Variants in NUTF2 observed in about 807,000 individuals in gnomAD.
The protein encoded by NUTF2 is placental protein 15.
NUTF2 carries 3 observed loss-of-function variants against 18.5 expected under a neutral mutation model. That is an observed-to-expected ratio of 0.16 (90% CI 0.07 to 0.42). The LOEUF is 0.42. NUTF2 is among the 10% of genes least tolerant of loss of function. The pLI, the probability that NUTF2 is intolerant of heterozygous loss-of-function variation, is 0.99. For synonymous variants in NUTF2, 51 were observed against 57.9 expected, an observed-to-expected ratio of 0.88 and a Z score of 0.54; for missense variants, 44 against 160.7, an observed-to-expected ratio of 0.27 and a Z score of 3.93.
chr16:67,865,211 C>G lies in NUTF2; in HGVS notation c.81C>G (p.Thr27=), dbSNP rs899799876. The change falls in exon 2 of 5, where the codon ACC becomes ACG. Residue 27 remains threonine, a synonymous_variant. Coordinates refer to ENST00000219169, the MANE Select transcript of NUTF2 (RefSeq NM_005796.3). ...HYYQLFDNDR[T]QLGAIYIDAS... ...ACCAGTTATTTGATAATGATAGAAC[C>G]CAACTAGGCGCAATTTACGTAAGTT... 6.2e-7 allele frequency: 1 copy of G among 1,612,252 alleles called. No homozygotes were observed. The highest frequency in any genetic ancestry group is 8.5e-7 in the Non-Finnish European group (1 of 1,178,508).
At chr16:67,864,214 C>T (rs576861552) in intron 1 of NUTF2, among the ~76,000 whole-genome samples, 1 of 152,092 alleles carries the variant, frequency 6.6e-6, no homozygotes, top group Non-Finnish European at 1.5e-5. Context: ...CTGTTTTTGG[C>T]AGAGGAGGGC....
intron 2 of NUTF2, among the ~76,000 whole-genome samples, chr16:67,865,826 C>G (rs1301734974): frequency 1.3e-5 from 2 of 150,364 alleles, no homozygotes; most frequent in Non-Finnish European, 2.9e-5. Context: ...TCAAGTGATT[C>G]TCCTGCCTCA....
chr16:67,867,593 C>T (rs544291160), intron 2 of NUTF2, among the ~76,000 whole-genome samples: 2 of 152,168 alleles, frequency 1.3e-5, no homozygotes, highest in East Asian at 3.9e-4. Flanking sequence ...CTCTCCCTGA[C>T]CCCATGGGTA....
intron 1 of NUTF2, among the ~76,000 whole-genome samples, chr16:67,848,249 A>G (rs904139889): frequency 6.6e-6 from 1 of 152,188 alleles, no homozygotes; most frequent in Non-Finnish European, 1.5e-5. Context: ...TGGCATGTAA[A>G]GCGTTGATTT....
chr16:67,861,387 GT>G (rs1357971490), intron 1 of NUTF2, among the ~76,000 whole-genome samples: 2 of 152,344 alleles, frequency 1.3e-5, no homozygotes, highest in East Asian at 3.9e-4. Context: ...TAAAAATGGA[GT>G]TTTTCTGTTG....
intron 1 of NUTF2, among the ~76,000 whole-genome samples, chr16:67,857,884 G>T (rs2151296884): frequency 6.6e-6 from 1 of 152,352 alleles, no homozygotes; most frequent in South Asian, 2.1e-4. Context: ...GGGTGGAGGG[G>T]AAGTGGGTCA....
intron 1 of NUTF2, among the ~76,000 whole-genome samples, chr16:67,852,046 C>T (rs1417163407): frequency 6.6e-6 from 1 of 151,850 alleles, no homozygotes. Flanking sequence ...CTAGAAGCCA[C>T]CTTATATCAA....
At chr16:67,855,931 CG>C in intron 1 of NUTF2, 1 of 687,316 alleles carries the variant, frequency 1.5e-6, no homozygotes. Context: ...TATTTCATTG[CG>C]GGGAGTGGGC....
chr16:67,855,674 A>G (rs2057890808), intron 1 of NUTF2, among the ~76,000 whole-genome samples: 1 of 152,160 alleles, frequency 6.6e-6, no homozygotes, highest in Non-Finnish European at 1.5e-5. Flanking sequence ...TTGCTGCCCC[A>G]GGAAAGAGCT....
chr16:67,863,062 C>T (rs966854030), intron 1 of NUTF2, among the ~76,000 whole-genome samples: 2 of 152,156 alleles, frequency 1.3e-5, no homozygotes, highest in African/African-American at 2.4e-5. Flanking sequence ...GTGGACGGGG[C>T]AGAAATGCCA....
At position 67,872,524 on chromosome 16, in the gene NUTF2, T is replaced by G. The variant is rs1331997263; in HGVS notation, c.*1611T>G. 6.6e-6 allele frequency: 1 copy of G among 152,258 alleles called. No individual in the cohort carries two copies. Among genetic ancestry groups the G allele is most frequent in the Non-Finnish European group, 1.5e-5 (1 of 68,068 alleles). 9.4% of individuals were successfully genotyped at this position (152,258 alleles called of 1,614,324 possible). ...AAAATCTGCAATACGGCTTCTTCCA[T>G]GTACCTGTGCCTGAACTGTCTGCAA... is the stretch of plus-strand genomic sequence containing the variant. On this transcript the variant is annotated 3_prime_UTR_variant, in exon 5 of 5. Transcript: ENST00000219169.
chr16:67,867,224 G>C (rs2057979372), intron 2 of NUTF2, among the ~76,000 whole-genome samples: 1 of 151,812 alleles, frequency 6.6e-6, no homozygotes, highest in South Asian at 2.1e-4. Context: ...TACCCACCTT[G>C]GCCTCCCAAA....
intron 1 of NUTF2, among the ~76,000 whole-genome samples, chr16:67,854,196 G>A (rs149330745): frequency 0.03 from 4,498 of 152,258 alleles, 95 homozygotes; most frequent in Middle Eastern, 0.16. Flanking sequence ...TGGTCTGCCC[G>A]CCTTGGCCTC....
At chr16:67,862,674 A>G (rs2057942585) in intron 1 of NUTF2, among the ~76,000 whole-genome samples, 1 of 152,150 alleles carries the variant, frequency 6.6e-6, no homozygotes, top group Admixed American at 6.6e-5. Flanking sequence ...GTCTCTACAG[A>G]AAACACAAAA....
At position 67,870,802 on chromosome 16, in the gene NUTF2, G is replaced by A. The variant is rs747633946; in HGVS notation, c.273G>A (p.Ala91=). 6.2e-6 allele frequency: 10 copies of A among 1,610,698 alleles called. No homozygotes were observed. Among genetic ancestry groups the A allele is most frequent in the African/African-American group, 4.0e-5 (3 of 74,770 alleles). The change falls in exon 5 of 5, where the codon GCG becomes GCA. Residue 91 remains alanine, a splice_region_variant and synonymous_variant. Coordinates refer to ENST00000219169, the MANE Select transcript of NUTF2 (RefSeq NM_005796.3). The part of the protein sequence containing the change: ...IISMVVGQLK[A]DEDPIMGFHQ... ...AATCCTCTTTTCTCTCCTCATAGGC[G>A]GATGAAGACCCCATCATGGGGTTCC...
intron 1 of NUTF2, among the ~76,000 whole-genome samples, chr16:67,849,444 C>T (rs1187704902): frequency 1.4e-5 from 2 of 146,274 alleles, no homozygotes; most frequent in East Asian, 2.1e-4. Context: ...TGGGTTCAAA[C>T]GATTCTCCTG....
intron 1 of NUTF2, among the ~76,000 whole-genome samples, chr16:67,854,005 C>T (rs964260357): frequency 6.6e-6 from 1 of 151,986 alleles, no homozygotes; most frequent in African/African-American, 2.4e-5. Context: ...GGCTAGAGTG[C>T]AGTAGCATGA....
chr16:67,871,094 C>T lies in NUTF2; in HGVS notation c.*181C>T. On this transcript the variant is annotated 3_prime_UTR_variant, in exon 5 of 5. Transcript: ENST00000219169. ...TGTTTGGATGCTAGACTAGTTGCATCTGACGGGAGAAGTTTGTGTTGTACC... is the reference window on the plus strand; with the variant it reads ...TGTTTGGATGCTAGACTAGTTGCATTTGACGGGAGAAGTTTGTGTTGTACC... 1 of 526,422 alleles carries T rather than the reference C, an allele frequency of 1.9e-6. No homozygotes were observed. Among genetic ancestry groups the T allele is most frequent in the Non-Finnish European group, 3.4e-6 (1 of 292,212 alleles). 32.6% of individuals were successfully genotyped at this position (526,422 alleles called of 1,614,324 possible).
chr16:67,853,703 A>G (rs970426740), intron 1 of NUTF2, among the ~76,000 whole-genome samples: 3 of 151,884 alleles, frequency 2.0e-5, no homozygotes, highest in African/African-American at 7.3e-5. Flanking sequence ...TGGAGACAAA[A>G]GTCTCACTAT....
Sources: allele counts gnomAD v4.1 joint callset (sites outside exome capture counted in the v4.1 genomes callset), GRCh38; gene constraint gnomAD v4.1.1; transcripts MANE v1.5; gene names NCBI Gene and HGNC (gene_info 2026-07-23, HGNC 2026-07-21).